The following MACROD2 variants were observed in gnomAD, a reference collection of about 807,000 sequenced individuals.
MACROD2 encodes the protein mono-ADP ribosylhydrolase 2, also known as ADP-ribose glycohydrolase MACROD2.
In MACROD2, 36 loss-of-function variants were observed where a neutral mutation model predicts 70.4. That is an observed-to-expected ratio of 0.51 (90% CI 0.39 to 0.68). The LOEUF (loss-of-function observed/expected upper bound fraction) is 0.68, where lower values mean the gene tolerates loss of function less well. Among genes scored for constraint, MACROD2 ranks in the 30% least tolerant of loss-of-function variants. The probability of loss-of-function intolerance (pLI) is 0.00; values close to 1 mark genes in which losing one functional copy is unlikely to be tolerated. For synonymous variants in MACROD2, 172 were observed against 178.8 expected (o/e 0.96, Z 0.30); for missense variants, 496 against 538.4 (o/e 0.92, Z 0.78).
intron 5 of MACROD2, among the ~76,000 whole-genome samples, chr20:14,890,951 T>TTTCCTTCC (rs372577604): frequency 0.024 from 2,492 of 105,714 alleles, 87 homozygotes; most frequent in African/African-American, 0.032. Context: ...TCTTTCTCTT[T>TTTCCTTCC]TTCCTTCCTT....
intron 6 of MACROD2, among the ~76,000 whole-genome samples, chr20:15,263,612 G>A (rs903493204): frequency 2.0e-5 from 3 of 151,854 alleles, no homozygotes; most frequent in Non-Finnish European, 2.9e-5. Flanking sequence ...TCTGTATCTC[G>A]CTTTGGGTAA....
intron 3 of MACROD2, among the ~76,000 whole-genome samples, chr20:14,099,845 G>A (rs2054275289): frequency 6.6e-6 from 1 of 151,944 alleles, no homozygotes; most frequent in African/African-American, 2.4e-5. Flanking sequence ...TAAAAATAGT[G>A]CATAAATTAG....
chr20:14,143,982 T>C, intron 3 of MACROD2, among the ~76,000 whole-genome samples: 1 of 152,288 alleles, frequency 6.6e-6, no homozygotes, highest in Middle Eastern at 3.4e-3. Context: ...AAGGTTTTTT[T>C]CCCTCTTTTA....
At chr20:15,563,328 C>G (rs951966800) in intron 8 of MACROD2, among the ~76,000 whole-genome samples, 1 of 152,186 alleles carries the variant, frequency 6.6e-6, no homozygotes, top group Non-Finnish European at 1.5e-5. Flanking sequence ...CCTCCTAAAG[C>G]CTCTTTTTCT....
chr20:14,338,888 A>G (rs1004615853), intron 3 of MACROD2, among the ~76,000 whole-genome samples: 1 of 152,204 alleles, frequency 6.6e-6, no homozygotes, highest in Non-Finnish European at 1.5e-5. Context: ...TTTTCCATCA[A>G]ATAAGTGTAT....
chr20:15,566,910 G>T (rs1489858679), intron 8 of MACROD2, among the ~76,000 whole-genome samples: 1 of 152,032 alleles, frequency 6.6e-6, no homozygotes, highest in Non-Finnish European at 1.5e-5. Context: ...TACCTGATCA[G>T]CAAAACTAAC....
chr20:14,388,874 G>A (rs2083495531), intron 3 of MACROD2, among the ~76,000 whole-genome samples: 1 of 152,004 alleles, frequency 6.6e-6, no homozygotes, highest in South Asian at 2.1e-4. Flanking sequence ...GAGAGAGAGA[G>A]CAGTTTTTGT....
chr20:14,604,585 G>A (rs910016755), intron 4 of MACROD2, among the ~76,000 whole-genome samples: 1 of 152,156 alleles, frequency 6.6e-6, no homozygotes, highest in Admixed American at 6.6e-5. Flanking sequence ...AAAAACATCC[G>A]TGTGTCTAAA....
At chr20:15,019,339 C>T (rs1019712997) in intron 5 of MACROD2, among the ~76,000 whole-genome samples, 1 of 152,084 alleles carries the variant, frequency 6.6e-6, no homozygotes, top group African/African-American at 2.4e-5. Context: ...CGAAGCAAAA[C>T]AAAATTTAAA....
chr20:14,649,817 G>T (rs927111557), intron 4 of MACROD2, among the ~76,000 whole-genome samples: 3 of 152,148 alleles, frequency 2.0e-5, no homozygotes, highest in East Asian at 3.9e-4. Context: ...CCCTTTGTTA[G>T]AACTCTACAT....
At chr20:15,031,680 G>A (rs1359549573) in intron 5 of MACROD2, among the ~76,000 whole-genome samples, 1 of 152,144 alleles carries the variant, frequency 6.6e-6, no homozygotes, top group Non-Finnish European at 1.5e-5. Flanking sequence ...GTGTTAATCT[G>A]GCAGAGTTAG....
chr20:15,846,923 A>ATATATG (rs2064238837), intron 8 of MACROD2, among the ~76,000 whole-genome samples: 1 of 8,334 alleles, frequency 1.2e-4, no homozygotes, highest in Non-Finnish European at 4.3e-4. Context: ...ATATATATAT[A>ATATATG]TATATATATA....
At chr20:14,349,245 T>G (rs1271342146) in intron 3 of MACROD2, among the ~76,000 whole-genome samples, 1 of 151,186 alleles carries the variant, frequency 6.6e-6, no homozygotes, top group African/African-American at 2.4e-5. Context: ...TTTTATAACT[T>G]ATTTGTTTTT....
At chr20:14,862,240 T>G (rs1467130798) in intron 5 of MACROD2, among the ~76,000 whole-genome samples, 1 of 50,484 alleles carries the variant, frequency 2.0e-5, no homozygotes, top group Non-Finnish European at 3.3e-5. Context: ...TAAATATATA[T>G]TTATATATTA....
chr20:15,006,638 C>A (rs2075040290), intron 5 of MACROD2, among the ~76,000 whole-genome samples: 2 of 151,944 alleles, frequency 1.3e-5, no homozygotes, highest in African/African-American at 4.8e-5. Flanking sequence ...GTTATATCTA[C>A]AAGCTGAAAA....
At chr20:15,495,470 A>T (rs1169510864) in intron 7 of MACROD2, among the ~76,000 whole-genome samples, 1 of 152,200 alleles carries the variant, frequency 6.6e-6, no homozygotes, top group African/African-American at 2.4e-5. Flanking sequence ...CAGGGATGAA[A>T]AGGGATATTC....
intron 15 of MACROD2, among the ~76,000 whole-genome samples, chr20:16,028,446 C>T (rs1292632899): frequency 7.3e-5 from 11 of 150,278 alleles, no homozygotes; most frequent in South Asian, 2.1e-4. Flanking sequence ...GTTATTCTGA[C>T]GATGACTGAT....
intron 9 of MACROD2, among the ~76,000 whole-genome samples, chr20:15,868,149 G>C (rs1276650382): frequency 1.3e-5 from 2 of 152,176 alleles, no homozygotes; most frequent in Non-Finnish European, 2.9e-5. Flanking sequence ...CGCAGTCTTT[G>C]CCTTTGGATT....
intron 5 of MACROD2, among the ~76,000 whole-genome samples, chr20:14,896,507 A>C (rs1223296213): frequency 1.3e-5 from 2 of 152,084 alleles, no homozygotes; most frequent in African/African-American, 2.4e-5. Flanking sequence ...CCCCTTGTCT[A>C]TTTGTTTGCA....
Sources: gnomAD v4.1 joint callset for allele counts (sites outside exome capture counted in the v4.1 genomes callset) on GRCh38, gnomAD v4.1.1 for gene constraint, MANE v1.5 for transcripts, NCBI Gene and HGNC (gene_info 2026-07-23, HGNC 2026-07-21) for gene names.